USP13: variants seen among roughly 807,000 people sequenced by gnomAD.
The protein encoded by USP13 is ubiquitin specific peptidase 13, also known as ubiquitin carboxyl-terminal hydrolase 13.
A neutral mutation model predicts 107.8 loss-of-function variants in USP13; 68 were observed. That is an observed-to-expected ratio of 0.63 (90% CI 0.52 to 0.77). The LOEUF is 0.77. Among genes scored for constraint, USP13 ranks in the 30% least tolerant of loss-of-function variants. USP13 has a pLI of 0.00. For missense variants in USP13, 945 were observed against 1,093.3 expected, an observed-to-expected ratio of 0.86 and a Z score of 1.91; for synonymous variants, 377 against 389.5, an observed-to-expected ratio of 0.97 and a Z score of 0.38.
At chr3:179,752,147 T>G in intron 13 of USP13, 138 bp from the exon 14 acceptor site, 1 of 685,378 alleles carries the variant, frequency 1.5e-6, no homozygotes, top group Non-Finnish European at 2.6e-6. Flanking sequence ...CTTACATGTC[T>G]GTGTTTGCAT....
In USP13 at chr3:179,784,993, T is replaced by G. The variant is rs1052586044; in HGVS notation, c.*852T>G. ...AAGAATTCACTTGGGTTTGGGACAT[T>G]TGCTGGTGTAATGCTAGATGCCCAC... On this transcript the variant is annotated 3_prime_UTR_variant, in exon 21 of 21. Coordinates refer to ENST00000263966, the MANE Select transcript of USP13 (RefSeq NM_003940.3). 6.6e-6 allele frequency: 1 copy of G among 152,240 alleles called. No individual in the cohort carries two copies. The highest frequency in any genetic ancestry group is 1.5e-5 in the Non-Finnish European group (1 of 68,038). 9.4% of individuals were successfully genotyped at this position (152,240 alleles called of 1,614,324 possible). A position where few individuals can be genotyped will look rare whatever the true frequency, so the allele number is the denominator to read the frequency against.
rs149007260 is a variant in USP13 at position 179,740,845 on chromosome 3, C to T, written c.1380+473C>T. Among the ~76,000 whole-genome samples, 545 of 151,834 alleles carry T rather than the reference C, an allele frequency of 3.6e-3. 2 individuals are homozygous for T. The highest frequency in any genetic ancestry group is 5.2e-3 in the Non-Finnish European group (351 of 67,964). On this transcript the variant is annotated intron_variant, in intron 11 of 20. Transcript: ENST00000263966. ...GCAGTGGCACAATCTTGGCTCACTG[C>T]AACCTCTGCCTCCTGGGTTCAAGCA...
At chr3:179,765,569 G>A in intron 18 of USP13, 126 bp from the exon 19 acceptor site, 1 of 1,127,270 alleles carries the variant, frequency 8.9e-7, no homozygotes, top group Non-Finnish European at 1.2e-6. Flanking sequence ...TTACTCAGTG[G>A]CACTTAGGAC....
At chr3:179,671,975 C>T (rs140476748) in intron 1 of USP13, among the ~76,000 whole-genome samples, 6 of 152,300 alleles carry the variant, frequency 3.9e-5, no homozygotes, top group South Asian at 2.1e-4. Flanking sequence ...ACAAGTGTTA[C>T]GCAGCGACTG....
At chr3:179,695,869 C>T (rs1447170670) in intron 3 of USP13, among the ~76,000 whole-genome samples, 1 of 152,160 alleles carries the variant, frequency 6.6e-6, no homozygotes, top group Non-Finnish European at 1.5e-5. Flanking sequence ...AACCCTTCGG[C>T]TCCCAAACTG....
chr3:179,746,078 T>A (rs1714395930), intron 13 of USP13, among the ~76,000 whole-genome samples: 1 of 151,726 alleles, frequency 6.6e-6, no homozygotes, highest in Non-Finnish European at 1.5e-5. Flanking sequence ...GCCATTTTTC[T>A]TTGAGGCTAA....
At chr3:179,704,612 G>A (rs1712648910) in intron 4 of USP13, among the ~76,000 whole-genome samples, 2 of 152,134 alleles carry the variant, frequency 1.3e-5, no homozygotes, top group Non-Finnish European at 2.9e-5. Flanking sequence ...AAGTGCTAAG[G>A]TGGCATGTCC....
At chr3:179,774,425 C>T (rs1715442214) in intron 19 of USP13, among the ~76,000 whole-genome samples, 3 of 152,182 alleles carry the variant, frequency 2.0e-5, no homozygotes, top group South Asian at 4.1e-4. Flanking sequence ...TTCAAAGTTT[C>T]TTTCTTCTGC....
chr3:179,770,539 G>A (rs771515689), intron 19 of USP13, among the ~76,000 whole-genome samples: 6 of 151,984 alleles, frequency 3.9e-5, no homozygotes, highest in Non-Finnish European at 8.8e-5. Context: ...TAGCTAGGTT[G>A]TTTAAATTCC....
intron 19 of USP13, among the ~76,000 whole-genome samples, chr3:179,780,435 C>T (rs1459436126): frequency 6.6e-6 from 1 of 152,120 alleles, no homozygotes; most frequent in African/African-American, 2.4e-5. Flanking sequence ...TATACACTAA[C>T]AATGAACATT....
At chr3:179,759,911 A>G (rs1714943423) in intron 16 of USP13, among the ~76,000 whole-genome samples, 1 of 152,122 alleles carries the variant, frequency 6.6e-6, no homozygotes, top group Non-Finnish European at 1.5e-5. Flanking sequence ...TGACCTTGTG[A>G]TCCACCTGCC....
intron 14 of USP13, among the ~76,000 whole-genome samples, chr3:179,752,793 T>C (rs939230388): frequency 4.6e-5 from 7 of 152,246 alleles, no homozygotes; most frequent in African/African-American, 1.7e-4. Context: ...AGGCCACACT[T>C]TGAGCAGCCA....
At chr3:179,744,379 T>C (rs1714322439) in intron 12 of USP13, among the ~76,000 whole-genome samples, 1 of 152,082 alleles carries the variant, frequency 6.6e-6, no homozygotes, top group Non-Finnish European at 1.5e-5. Flanking sequence ...TTTTCTGCCT[T>C]TGGTTATTTT....
At position 179,730,705 on chromosome 3, in the gene USP13, A is replaced by G. The variant is rs767322963; in HGVS notation, c.1250A>G (p.His417Arg). Residue 417 changes from histidine (H) to arginine (R), a missense_variant, in exon 10 of 21, where the codon CAC becomes CGC. By Grantham distance (29) the His-to-Arg change is conservative. Coordinates refer to ENST00000263966, the MANE Select transcript of USP13 (RefSeq NM_003940.3). The stretch of plus-strand genomic sequence containing the variant: ...ATTGAACAGGTGATGAAGGAGGAGC[A>G]CAAGGTATGTGTCCGAGCGTTTGCC... ...ELIEQVMKEE[H>R]KPQQNGISPR... is the part of the protein sequence containing the mutation. 1 of 1,614,074 alleles carries G rather than the reference A, an allele frequency of 6.2e-7. No individual in the cohort carries two copies. The highest frequency in any genetic ancestry group is 1.1e-5 in the South Asian group (1 of 91,068).
chr3:179,783,921 C>T (rs367577605), intron 20 of USP13, 127 bp from the exon 21 acceptor site: 66 of 657,438 alleles, frequency 1.0e-4, no homozygotes, highest in Middle Eastern at 5.8e-4. Flanking sequence ...TTTTATACAA[C>T]GAACTTGAGT....
At chr3:179,757,184 T>C in intron 16 of USP13, 106 bp downstream of exon 16, 2 of 1,321,626 alleles carry the variant, frequency 1.5e-6, no homozygotes, top group Admixed American at 1.8e-5. Context: ...CGTGTGTGTG[T>C]GCAGCTTTTC....
chr3:179,688,474 G>A (rs928603228), intron 2 of USP13, among the ~76,000 whole-genome samples: 10 of 152,228 alleles, frequency 6.6e-5, no homozygotes, highest in African/African-American at 2.4e-4. Context: ...TCAGTTGGAA[G>A]TCTGAGCTCC....
At chr3:179,719,642 A>G (rs1713236227) in intron 6 of USP13, among the ~76,000 whole-genome samples, 1 of 152,172 alleles carries the variant, frequency 6.6e-6, no homozygotes, top group South Asian at 2.1e-4. Flanking sequence ...AGTGTTAGGC[A>G]TTTATACTTG....
chr3:179,655,818 G>T (rs1047016562), intron 1 of USP13, among the ~76,000 whole-genome samples: 2 of 152,128 alleles, frequency 1.3e-5, no homozygotes, highest in Non-Finnish European at 2.9e-5. Flanking sequence ...CTCCCAAAGT[G>T]CCAGGATTAC....
Sources: allele counts gnomAD v4.1 joint callset (sites outside exome capture counted in the v4.1 genomes callset), GRCh38; gene constraint gnomAD v4.1.1; transcripts MANE v1.5; gene names NCBI Gene and HGNC (gene_info 2026-07-23, HGNC 2026-07-21).